The following VWA3B variants were observed in gnomAD, a reference collection of about 807,000 sequenced individuals.
VWA3B encodes the protein von Willebrand factor A domain containing 3B.
A neutral mutation model predicts 158.3 loss-of-function variants in VWA3B; 138 were observed. The ratio of observed to expected loss-of-function variants is 0.87; its 90% CI spans 0.76 to 1.00. The LOEUF (loss-of-function observed/expected upper bound fraction) is 1.00. VWA3B is among the 50% of genes least tolerant of loss of function. The probability of loss-of-function intolerance (pLI) is 0.00; values close to 1 mark genes in which losing one functional copy is unlikely to be tolerated. For missense variants in VWA3B, 1,555 were observed against 1,565.1 expected, an observed-to-expected ratio of 0.99 and a Z score of 0.11; for synonymous variants, 596 against 587.3, an observed-to-expected ratio of 1.01 and a Z score of -0.21.
intron 10 of VWA3B, among the ~76,000 whole-genome samples, chr2:98,192,633 C>T (rs1681691836): frequency 6.6e-6 from 1 of 152,174 alleles, no homozygotes; most frequent in Non-Finnish European, 1.5e-5. Flanking sequence ...AGAGGCCTGA[C>T]AGCACCCACA....
At chr2:98,254,429 A>G (rs867228366) in intron 20 of VWA3B, among the ~76,000 whole-genome samples, 2 of 152,158 alleles carry the variant, frequency 1.3e-5, no homozygotes, top group African/African-American at 2.4e-5. Flanking sequence ...AAGCACAAAG[A>G]TACCTAAAAT....
At chr2:98,135,724 T>A (rs1168780384) in intron 7 of VWA3B, among the ~76,000 whole-genome samples, 1 of 152,186 alleles carries the variant, frequency 6.6e-6, no homozygotes, top group Non-Finnish European at 1.5e-5. Context: ...AGGGAGAATC[T>A]CAAATCCTAA....
At chr2:98,181,696 A>G (rs1398415115) in intron 9 of VWA3B, among the ~76,000 whole-genome samples, 1 of 152,270 alleles carries the variant, frequency 6.6e-6, no homozygotes, top group East Asian at 1.9e-4. Context: ...ACCATTAAAA[A>G]CTTTGAAAGC....
intron 17 of VWA3B, among the ~76,000 whole-genome samples, chr2:98,235,118 G>T (rs1488040028): frequency 5.9e-5 from 9 of 152,034 alleles, no homozygotes; most frequent in Non-Finnish European, 7.4e-5. Context: ...CCCCTCTCTG[G>T]TCCAAATTGT....
chr2:98,287,069 C>T (rs973255787), intron 22 of VWA3B, among the ~76,000 whole-genome samples: 7 of 152,134 alleles, frequency 4.6e-5, no homozygotes, highest in African/African-American at 1.7e-4. Context: ...TGCACTGCCA[C>T]AGGATTGCTT....
Position 98,290,098 on chromosome 2 carries a change from A to C in VWA3B, c.3046-413A>C, listed in dbSNP as rs148065319. 2.2e-4 allele frequency among the ~76,000 whole-genome samples: 34 copies of C among 152,344 alleles called. 2 individuals are homozygous for C. In the East Asian group the frequency reaches 6.6e-3, roughly 29 times the overall value. On this transcript the variant is annotated intron_variant, in intron 22 of 27. Coordinates refer to ENST00000477737, the MANE Select transcript of VWA3B (RefSeq NM_144992.5). ...TATAAAGAACTACCTGAGACTGGGT[A>C]ATTTATGAAGAAAATAGGTTTAATT...
At position 98,166,968 on chromosome 2, in the gene VWA3B, T is replaced by C. The variant is rs184632904; in HGVS notation, c.1114+3992T>C. ...AGCTTTCGTAGCTTCAATCTGGCCC[T>C]CTATACCACGTGTCCGACCTGCTCT... On this transcript the variant is annotated intron_variant, in intron 8 of 27. Coordinates refer to ENST00000477737, the MANE Select transcript of VWA3B (RefSeq NM_144992.5). Among the ~76,000 whole-genome samples the C allele has an allele frequency of 8.0e-4, 122 of 152,260 alleles. 1 individual carries two copies. Among genetic ancestry groups the C allele is most frequent in the African/African-American group, 2.6e-3 (106 of 41,558 alleles).
intron 10 of VWA3B, 46 bp downstream of exon 10, chr2:98,188,175 A>G (rs1236257003): frequency 1.3e-6 from 2 of 1,580,094 alleles, no homozygotes; most frequent in Non-Finnish European, 1.7e-6. Context: ...CTCGCTCTGG[A>G]CATTCTCATC....
rs1450242835 is a variant in VWA3B at position 98,300,211 on chromosome 2, C to T, written c.3415C>T (p.Arg1139Trp). The change falls in exon 25 of 28, where the codon CGG (arginine) becomes TGG (tryptophan). Residue 1139 changes from arginine to tryptophan, a missense_variant. Arg to Trp is a moderately radical substitution (Grantham distance 101). Transcript: ENST00000477737. ...CTACACAGTTTTGAAGTGTAACAACCGGAGAGTAAGTAGATTTTCATTTAG... is the reference window on the plus strand; with the variant it reads ...CTACACAGTTTTGAAGTGTAACAACTGGAGAGTAAGTAGATTTTCATTTAG... ...KFYTVLKCNN[R>W]REFCPRSALI... is the part of the protein sequence containing the mutation. 1.7e-5 allele frequency: 27 copies of T among 1,613,954 alleles called. No individual in the cohort carries two copies. Among genetic ancestry groups the T allele is most frequent in the Admixed American group, 5.0e-5 (3 of 59,994 alleles).
intron 3 of VWA3B, among the ~76,000 whole-genome samples, chr2:98,118,017 A>G (rs1674662421): frequency 6.6e-6 from 1 of 152,198 alleles, no homozygotes; most frequent in Admixed American, 6.5e-5. Context: ...GATTACAGGC[A>G]TGAGCCATCA....
chr2:98,261,846 A>G (rs1687502227), intron 21 of VWA3B, among the ~76,000 whole-genome samples: 1 of 151,652 alleles, frequency 6.6e-6, no homozygotes, highest in African/African-American at 2.4e-5. Context: ...TTGCCCTTCA[A>G]TAGTTTAATT....
At chr2:98,143,752 C>CTTTTTT (rs534351736) in intron 7 of VWA3B, among the ~76,000 whole-genome samples, 37 of 130,918 alleles carry the variant, frequency 2.8e-4, no homozygotes, top group Non-Finnish European at 4.6e-4. Flanking sequence ...CTTTTCTTTT[C>CTTTTTT]TTTTTTTTTT....
intron 7 of VWA3B, among the ~76,000 whole-genome samples, chr2:98,148,935 A>T (rs971847677): frequency 4.6e-5 from 7 of 152,206 alleles, no homozygotes; most frequent in Non-Finnish European, 8.8e-5. Context: ...TATCCAAATA[A>T]ACGTTCATCT....
intron 26 of VWA3B, among the ~76,000 whole-genome samples, chr2:98,309,192 A>C (rs1029914385): frequency 9.9e-5 from 15 of 152,096 alleles, no homozygotes; most frequent in African/African-American, 3.6e-4. Flanking sequence ...GAAAAAAGAA[A>C]AAAAAGCCTT....
chr2:98,202,263 C>A (rs1258933481), intron 12 of VWA3B, among the ~76,000 whole-genome samples: 3 of 152,090 alleles, frequency 2.0e-5, no homozygotes, highest in Non-Finnish European at 2.9e-5. Flanking sequence ...GGAAGCAGCC[C>A]ATTTCTTCCA....
chr2:98,207,263 C>T, intron 12 of VWA3B: 3 of 507,334 alleles, frequency 5.9e-6, no homozygotes, highest in South Asian at 4.5e-5. Flanking sequence ...TCTGCTACTT[C>T]CTTTGCTCAT....
chr2:98,194,095 T>C (rs1347799100), intron 11 of VWA3B, among the ~76,000 whole-genome samples: 1 of 152,196 alleles, frequency 6.6e-6, no homozygotes, highest in Admixed American at 6.5e-5. Flanking sequence ...TCACATTATA[T>C]ATATAAACTT....
At chr2:98,328,985 C>T in the VWA3B span, among the ~76,000 whole-genome samples, 4 of 152,036 alleles carry the variant, frequency 2.6e-5, no homozygotes, top group Non-Finnish European at 5.9e-5. Flanking sequence ...GAAAGGATTG[C>T]CATATAGATC....
At chr2:98,217,703 C>A in intron 13 of VWA3B, 143 bp from the exon 14 acceptor site, 2 of 647,400 alleles carry the variant, frequency 3.1e-6, no homozygotes, top group Non-Finnish European at 4.7e-6. Context: ...TGAATTGAAT[C>A]GACATGTTTT....
Sources: gnomAD v4.1 joint callset for allele counts (sites outside exome capture counted in the v4.1 genomes callset) on GRCh38, gnomAD v4.1.1 for gene constraint, MANE v1.5 for transcripts, NCBI Gene and HGNC (gene_info 2026-07-23, HGNC 2026-07-21) for gene names.